DNAJC15: variants seen among roughly 807,000 people sequenced by gnomAD.
DNAJC15 encodes dnaJ homolog subfamily C member 15.
In DNAJC15, 27 loss-of-function variants were observed where a neutral mutation model predicts 22.4. The ratio of observed to expected loss-of-function variants is 1.20; its 90% CI spans 0.89 to 1.66. The LOEUF (loss-of-function observed/expected upper bound fraction) is 1.66, where lower values mean the gene tolerates loss of function less well. DNAJC15 is among the 40% of genes most tolerant of loss of function. DNAJC15 has a pLI of 0.00. For missense variants in DNAJC15, 208 were observed against 187.1 expected, an observed-to-expected ratio of 1.11 and a Z score of -0.65; for synonymous variants, 79 against 63.2, an observed-to-expected ratio of 1.25 and a Z score of -1.19.
At position 43,111,586 on chromosome 13, in the gene DNAJC15, C is replaced by T. The variant is rs1055062986; in HGVS notation, c.*4338C>T. The T allele has an allele frequency of 2.0e-5, 3 of 152,182 alleles. No individual in the cohort carries two copies. The highest frequency in any genetic ancestry group is 1.3e-4 in the Admixed American group (2 of 15,270). 9.4% of individuals were successfully genotyped at this position (152,182 alleles called of 1,614,324 possible). Reference sequence around the variant, plus strand: ...TGGGAGAAGATGAATCAGCCAGGCTCTTTACGTCAAGAATATGAAGTTTCT... The same window carrying T: ...TGGGAGAAGATGAATCAGCCAGGCTTTTTACGTCAAGAATATGAAGTTTCT... On this transcript the variant is annotated 3_prime_UTR_variant, in exon 6 of 6. Transcript: ENST00000379221.
chr13:43,064,617 A>G (rs1034125966), intron 1 of DNAJC15, among the ~76,000 whole-genome samples: 3 of 152,258 alleles, frequency 2.0e-5, no homozygotes, highest in Non-Finnish European at 4.4e-5. Flanking sequence ...ACCCAAAAAT[A>G]TAGTGGCTTA....
chr13:43,024,009 A>G (rs564202698), intron 1 of DNAJC15, among the ~76,000 whole-genome samples: 22 of 152,338 alleles, frequency 1.4e-4, no homozygotes, highest in African/African-American at 5.3e-4. Flanking sequence ...ATACAGTAAA[A>G]TAAGTGCTGT....
At chr13:43,091,778 T>A (rs2040716514) in intron 5 of DNAJC15, among the ~76,000 whole-genome samples, 1 of 152,228 alleles carries the variant, frequency 6.6e-6, no homozygotes, top group South Asian at 2.1e-4. Context: ...CATTATGATT[T>A]TTTTTCTTTG....
At chr13:43,048,898 A>T (rs866685111) in intron 1 of DNAJC15, among the ~76,000 whole-genome samples, 26 of 152,130 alleles carry the variant, frequency 1.7e-4, no homozygotes, top group Non-Finnish European at 2.4e-4. Flanking sequence ...TAAGCCATAA[A>T]CGTCTGAATC....
chr13:43,085,232 G>A (rs1046406117), intron 4 of DNAJC15, among the ~76,000 whole-genome samples: 41 of 151,874 alleles, frequency 2.7e-4, no homozygotes, highest in Admixed American at 2.6e-3. Flanking sequence ...GTGGTGGCGC[G>A]CGTCTGTAAT....
In DNAJC15 at chr13:43,107,432, A is replaced by G; in HGVS notation, c.*184A>G. 2.4e-6 allele frequency: 1 copy of G among 409,646 alleles called. No individual in the cohort carries two copies. The highest frequency in any genetic ancestry group is 4.3e-6 in the Non-Finnish European group (1 of 232,942). 25.4% of individuals were successfully genotyped at this position (409,646 alleles called of 1,614,324 possible). A position where few individuals can be genotyped will look rare whatever the true frequency, so the allele number is the denominator to read the frequency against. Reference sequence around the variant, plus strand: ...TCTTGCTTTTTATTATCTTTTAAAGATCTCCTTAAATTCTATAACTGATCT... The same window carrying G: ...TCTTGCTTTTTATTATCTTTTAAAGGTCTCCTTAAATTCTATAACTGATCT... On this transcript the variant is annotated 3_prime_UTR_variant, in exon 6 of 6. Transcript: ENST00000379221.
intron 1 of DNAJC15, among the ~76,000 whole-genome samples, chr13:43,059,410 G>T (rs758420667): frequency 6.6e-6 from 1 of 151,936 alleles, no homozygotes; most frequent in African/African-American, 2.4e-5. Context: ...TTTTGCTCTT[G>T]TTGCCCAGGC....
intron 3 of DNAJC15, among the ~76,000 whole-genome samples, chr13:43,076,011 T>C (rs2040632498): frequency 6.6e-6 from 1 of 152,166 alleles, no homozygotes; most frequent in Non-Finnish European, 1.5e-5. Context: ...TCTCTATCTC[T>C]CTTTATATAT....
chr13:43,041,843 A>T (rs1418546690), intron 1 of DNAJC15, among the ~76,000 whole-genome samples: 5 of 152,204 alleles, frequency 3.3e-5, no homozygotes, highest in Admixed American at 6.5e-5. Context: ...ATATACCGGG[A>T]ATACAAAGGT....
rs774495616 is a variant in DNAJC15, at chr13:43,068,985, AAAG to A, written c.221_223del (p.Lys74del). On this transcript the variant is annotated inframe_deletion, in exon 3 of 6. Coordinates refer to ENST00000379221, the MANE Select transcript of DNAJC15 (RefSeq NM_013238.3). ...TAGAACAAGTTATCACAGAAACTGC[AAAG>A]AAGATTTCAACTCCTGTAAGTTAAA... 1.9e-6 allele frequency: 3 copies of A among 1,612,734 alleles called. No individual in the cohort carries two copies. Among genetic ancestry groups the A allele is most frequent in the Non-Finnish European group, 1.7e-6 (2 of 1,179,362 alleles).
intron 1 of DNAJC15, among the ~76,000 whole-genome samples, chr13:43,059,833 T>C (rs777196187): frequency 6.6e-5 from 10 of 152,118 alleles, no homozygotes; most frequent in Non-Finnish European, 1.3e-4. Context: ...GCGGTGCAGT[T>C]AGGAGCAATG....
intron 1 of DNAJC15, among the ~76,000 whole-genome samples, chr13:43,060,770 G>C (rs569183968): frequency 1.3e-5 from 2 of 152,226 alleles, no homozygotes; most frequent in South Asian, 4.1e-4. Flanking sequence ...AATAAAGGCC[G>C]GTCTGTTATT....
chr13:43,067,358 AACTTAT>A (rs1369922959), intron 2 of DNAJC15, among the ~76,000 whole-genome samples: 4 of 152,194 alleles, frequency 2.6e-5, no homozygotes, highest in Non-Finnish European at 5.9e-5. Context: ...TCAGTTATAT[AACTTAT>A]ACTTAATGAA....
At chr13:43,098,390 G>A (rs559602119) in intron 5 of DNAJC15, among the ~76,000 whole-genome samples, 86 of 152,286 alleles carry the variant, frequency 5.6e-4, no homozygotes, top group African/African-American at 1.9e-3. Context: ...AAAACTACTA[G>A]AGAGCAACTT....
intron 3 of DNAJC15, among the ~76,000 whole-genome samples, chr13:43,072,872 T>C (rs1342835454): frequency 1.3e-5 from 2 of 152,212 alleles, no homozygotes; most frequent in Non-Finnish European, 2.9e-5. Context: ...CCAACGTTAG[T>C]AATTTTCTAA....
chr13:43,058,733 T>C (rs1201174008), intron 1 of DNAJC15, among the ~76,000 whole-genome samples: 1 of 152,198 alleles, frequency 6.6e-6, no homozygotes, highest in East Asian at 1.9e-4. Flanking sequence ...CTAATTCCAG[T>C]GGCAACCCTC....
intron 4 of DNAJC15, 107 bp downstream of exon 4, chr13:43,078,795 G>T (rs1177030273): frequency 1.2e-6 from 1 of 852,364 alleles, no homozygotes; most frequent in Non-Finnish European, 1.7e-6. Flanking sequence ...ATGAGTAGGT[G>T]GCAGAGGAGA....
intron 5 of DNAJC15, among the ~76,000 whole-genome samples, chr13:43,101,442 G>T (rs2040768610): frequency 6.6e-6 from 1 of 152,122 alleles, no homozygotes; most frequent in African/African-American, 2.4e-5. Flanking sequence ...AGTAGTTTTG[G>T]GGGAACAAGT....
intron 5 of DNAJC15, among the ~76,000 whole-genome samples, chr13:43,105,306 C>G (rs1180402126): frequency 6.6e-6 from 1 of 152,082 alleles, no homozygotes; most frequent in African/African-American, 2.4e-5. Context: ...GCAAGAAAGC[C>G]TTTCTCTCAT....
Sources: gnomAD v4.1 joint callset for allele counts (sites outside exome capture counted in the v4.1 genomes callset) on GRCh38, gnomAD v4.1.1 for gene constraint, MANE v1.5 for transcripts, NCBI Gene and HGNC (gene_info 2026-07-23, HGNC 2026-07-21) for gene names.